The following ATM variants were observed in gnomAD, a reference collection of about 807,000 sequenced individuals.
ATM encodes ATM serine/threonine kinase, also known as serine-protein kinase ATM.
In ATM, 308 loss-of-function variants were observed where a neutral mutation model predicts 387.0. The ratio of observed to expected loss-of-function variants is 0.80; its 90% CI spans 0.73 to 0.87. ATM has a LOEUF of 0.87. Among genes scored for constraint, ATM ranks in the 40% least tolerant of loss-of-function variants. The pLI, the probability that ATM is intolerant of heterozygous loss-of-function variation, is 0.00. For synonymous variants in ATM, 1,156 were observed against 1,187.3 expected (o/e 0.97, Z 0.54); for missense variants, 3,312 against 3,560.9 (o/e 0.93, Z 1.78).
chr11:108,329,369 T>A (rs903747558), intron 49 of ATM, 131 bp downstream of exon 49: 2 of 827,752 alleles, frequency 2.4e-6, no homozygotes, highest in African/African-American at 3.5e-5. Flanking sequence ...TAACTATATA[T>A]AGATTATCTT....
chr11:108,330,979 A>T (rs2086179903), intron 50 of ATM, among the ~76,000 whole-genome samples: 1 of 152,196 alleles, frequency 6.6e-6, no homozygotes, highest in South Asian at 2.1e-4. Flanking sequence ...GTCAATTTGA[A>T]GGTTAGAGAT....
intron 56 of ATM, among the ~76,000 whole-genome samples, chr11:108,336,771 C>A (rs190729300): frequency 2.0e-5 from 3 of 152,216 alleles, no homozygotes; most frequent in Admixed American, 1.3e-4. Flanking sequence ...TACCCACTTA[C>A]ATTTCCTCTA....
chr11:108,252,099 G>C (rs2135346116), intron 11 of ATM, 68 bp downstream of exon 11: 3 of 1,341,320 alleles, frequency 2.2e-6, no homozygotes, highest in Non-Finnish European at 2.1e-6. Flanking sequence ...CCACTTATTT[G>C]ATGCCAGATG....
chr11:108,225,805 A>G (rs1442738760), intron 1 of ATM: 7 of 152,164 alleles, frequency 4.6e-5, no homozygotes, highest in Admixed American at 4.6e-4. Context: ...GAGAATATTC[A>G]AAGACAGGGC....
At chr11:108,225,847 T>C (rs1046037301) in intron 1 of ATM, 1 of 152,172 alleles carries the variant, frequency 6.6e-6, no homozygotes, top group African/African-American at 2.4e-5. Context: ...CCTTCCTTCA[T>C]AGGAAGATTG....
In ATM at chr11:108,250,886, G is replaced by T. The variant is rs876659240; in HGVS notation, c.1421G>T (p.Ser474Ile). 2.5e-6 allele frequency: 4 copies of T among 1,613,952 alleles called. No individual in the cohort carries two copies. In the Admixed American group the frequency reaches 5.0e-5, roughly 20 times the overall value. Residue 474 changes from serine to isoleucine, a missense_variant, in exon 10 of 63, where the codon AGC (serine) becomes ATC (isoleucine). Around this residue, in one of 4 missense-constraint regions of ATM, gnomAD observed 1,791 missense variants for 1,804.5 expected, o/e 0.99. Coordinates refer to ENST00000675843, the MANE Select transcript of ATM (RefSeq NM_000051.4). ...CAAGACAAGAGGTCAAACCTAGAAA[G>T]CTCACAAAAGTCAGATTTATTAAAA... is the stretch of plus-strand genomic sequence containing the variant. ...LCQDKRSNLESSQKSDLLKLW... is the reference protein window; with the variant it reads ...LCQDKRSNLEISQKSDLLKLW...
intron 13 of ATM, among the ~76,000 whole-genome samples, chr11:108,255,006 G>C (rs1262052996): frequency 1.3e-5 from 2 of 152,136 alleles, no homozygotes; most frequent in African/African-American, 4.8e-5. Context: ...TTTAATGGCA[G>C]TTAGCATCTT....
In ATM at chr11:108,313,092, A is replaced by G. The variant is rs1001631425; in HGVS notation, c.6006+594A>G. ...ATCTCGCCACATCCCACTCTCAAAC[A>G]TTGAAATCTCCTGGCATCTCCTCCT... On this transcript the variant is annotated intron_variant, in intron 40 of 62. Transcript: ENST00000675843. Among the ~76,000 whole-genome samples, 3 of 152,314 alleles carry G rather than the reference A, an allele frequency of 2.0e-5. No individual in the cohort carries two copies. In the South Asian group the frequency reaches 6.2e-4, roughly 32 times the overall value.
At chr11:108,334,258 T>C (rs917867120) in intron 54 of ATM, among the ~76,000 whole-genome samples, 2 of 152,204 alleles carry the variant, frequency 1.3e-5, no homozygotes, top group African/African-American at 2.4e-5. Context: ...CGTGTGCTTA[T>C]GCCAAGATTA....
chr11:108,275,077 T>C (rs2081864737), intron 22 of ATM, among the ~76,000 whole-genome samples: 1 of 152,244 alleles, frequency 6.6e-6, no homozygotes, highest in South Asian at 2.1e-4. Flanking sequence ...ATATTTAGGA[T>C]AGTTAGCACT....
intron 1 of ATM, chr11:108,226,236 C>G (rs143619054): frequency 6.6e-6 from 1 of 151,928 alleles, no homozygotes; most frequent in African/African-American, 2.4e-5. Flanking sequence ...TACGAATGAT[C>G]CTGTCACTCA....
At chr11:108,243,806 A>G in intron 5 of ATM, 147 bp from the exon 6 acceptor site, 2 of 718,556 alleles carry the variant, frequency 2.8e-6, no homozygotes, top group South Asian at 4.1e-5. Context: ...ATACTGATGG[A>G]GTACTTTTAC....
chr11:108,259,688 T>G (rs774343097), intron 16 of ATM, among the ~76,000 whole-genome samples: 1 of 152,172 alleles, frequency 6.6e-6, no homozygotes, highest in Non-Finnish European at 1.5e-5. Flanking sequence ...TACCAAAATT[T>G]AAAATAATTA....
intron 27 of ATM, among the ~76,000 whole-genome samples, chr11:108,288,232 C>T (rs1247431848): frequency 6.6e-6 from 1 of 151,992 alleles, no homozygotes; most frequent in East Asian, 1.9e-4. Flanking sequence ...CATCACTGCG[C>T]CTGGCTAATT....
chr11:108,364,985 T>C (rs2137854997), intron 61 of ATM, 97 bp from the exon 62 acceptor site: 3 of 1,410,504 alleles, frequency 2.1e-6, no homozygotes, highest in Non-Finnish European at 2.9e-6. Context: ...TCAACTACCA[T>C]GTGACTGGCT....
intron 39 of ATM, among the ~76,000 whole-genome samples, chr11:108,311,559 A>G (rs764047705): frequency 6.6e-6 from 1 of 152,128 alleles, no homozygotes; most frequent in Non-Finnish European, 1.5e-5. Flanking sequence ...TCAGCTGGGC[A>G]TAGTGGCCTG....
At position 108,286,346 on chromosome 11, in the gene ATM, A is replaced by G. The variant is rs557301492; in HGVS notation, c.3994-1254A>G. On this transcript the variant is annotated intron_variant, in intron 26 of 62. Coordinates refer to ENST00000675843, the MANE Select transcript of ATM (RefSeq NM_000051.4). ...AAAAAAAAAAAAAAAAAAGAATTGTATAAAACACACAAACAAAGCAAGGAA... is the reference window on the plus strand; with the variant it reads ...AAAAAAAAAAAAAAAAAAGAATTGTGTAAAACACACAAACAAAGCAAGGAA... Among the ~76,000 whole-genome samples the G allele has an allele frequency of 2.3e-3, 349 of 149,718 alleles. 3 individuals carry two copies. Among genetic ancestry groups the G allele is most frequent in the Admixed American group, 3.6e-3 (54 of 15,064 alleles).
chr11:108,364,358 G>C (rs548366155), intron 61 of ATM, among the ~76,000 whole-genome samples: 1 of 152,230 alleles, frequency 6.6e-6, no homozygotes, highest in African/African-American at 2.4e-5. Context: ...AGAGCAGTTA[G>C]CTGTTCTGAA....
chr11:108,320,023 A>G lies in ATM; in HGVS notation c.6417A>G (p.Glu2139=), dbSNP rs2136221364. The G allele has an allele frequency of 6.2e-7, 1 of 1,610,096 alleles. No homozygotes were observed. The highest frequency in any genetic ancestry group is 1.1e-5 in the South Asian group (1 of 90,994). ...CTCTACAATCTCTAAGAGACAGAGAATTCTCTACATTTTATGAAAGTCTCA... is the reference window on the plus strand; with the variant it reads ...CTCTACAATCTCTAAGAGACAGAGAGTTCTCTACATTTTATGAAAGTCTCA... ...YNALQSLRDR[E]FSTFYESLKY... Residue 2139 remains glutamate (E), a synonymous_variant, in exon 44 of 63, where the codon GAA becomes GAG. Transcript: ENST00000675843.
Sources: gnomAD v4.1 joint callset for allele counts (sites outside exome capture counted in the v4.1 genomes callset) on GRCh38, gnomAD v4.1.1 for gene constraint, gnomAD v4.1.1 regional missense constraint, MANE v1.5 for transcripts, NCBI Gene and HGNC (gene_info 2026-07-23, HGNC 2026-07-21) for gene names.